The following KANK1 variants were observed in gnomAD, a reference collection of about 807,000 sequenced individuals.
KANK1 encodes KN motif and ankyrin repeat domain-containing protein 1.
Under a neutral mutation model 106.2 loss-of-function variants are expected in KANK1, and 109 were observed. The ratio of observed to expected loss-of-function variants is 1.03; its 90% CI spans 0.88 to 1.20. KANK1 has a LOEUF of 1.20. Ranked by LOEUF, KANK1 falls within the 50% of genes most tolerant of loss-of-function variation. KANK1 has a pLI of 0.00. For missense variants in KANK1, 2,399 were observed against 1,710.7 expected (o/e 1.40, Z -7.10); for synonymous variants, 873 against 652.2 (o/e 1.34, Z -5.16).
At chr9:735,669 C>G (rs1433783069) in intron 7 of KANK1, 1 of 349,996 alleles carries the variant, frequency 2.9e-6, no homozygotes, top group Admixed American at 2.8e-5. Context: ...TTAAATTCTG[C>G]CATATATTTT....
At chr9:530,142 G>A (rs1366946459) in intron 1 of KANK1, among the ~76,000 whole-genome samples, 1 of 152,192 alleles carries the variant, frequency 6.6e-6, no homozygotes, top group Non-Finnish European at 1.5e-5. Context: ...ATACCTAAGG[G>A]AAATAAGCCC....
chr9:731,105 T>C (rs1832119631), intron 4 of KANK1, 53 bp from the exon 5 acceptor site: 3 of 954,572 alleles, frequency 3.1e-6, no homozygotes, highest in African/African-American at 1.7e-5. Flanking sequence ...AAAAAGATCA[T>C]TTAACATGTA....
intron 1 of KANK1, among the ~76,000 whole-genome samples, chr9:515,387 T>C (rs1008566668): frequency 1.3e-5 from 2 of 151,500 alleles, no homozygotes; most frequent in Non-Finnish European, 2.9e-5. Context: ...AGAATTCATC[T>C]AGAGACATTG....
At chr9:606,035 C>G (rs1017854485) in intron 1 of KANK1, among the ~76,000 whole-genome samples, 23 of 151,296 alleles carry the variant, frequency 1.5e-4, no homozygotes, top group African/African-American at 4.4e-4. Context: ...ACTATTCAGT[C>G]AGTTTTATCA....
intron 1 of KANK1, among the ~76,000 whole-genome samples, chr9:535,746 C>T (rs1378309049): frequency 6.6e-6 from 1 of 152,186 alleles, no homozygotes; most frequent in African/African-American, 2.4e-5. Flanking sequence ...TTCCTGTGTC[C>T]TTGACAGTTG....
chr9:557,691 A>G (rs1815189572), intron 1 of KANK1, among the ~76,000 whole-genome samples: 1 of 152,240 alleles, frequency 6.6e-6, no homozygotes, highest in Non-Finnish European at 1.5e-5. Flanking sequence ...AGGCAGCCCA[A>G]GAACTTAACT....
intron 1 of KANK1, among the ~76,000 whole-genome samples, chr9:651,926 A>G (rs1471381775): frequency 6.6e-6 from 1 of 152,250 alleles, no homozygotes; most frequent in East Asian, 1.9e-4. Flanking sequence ...TAAAATTAAT[A>G]GTATACTGGG....
rs752882731 is a variant in KANK1, at chr9:742,340, G to A, written c.3832G>A (p.Gly1278Arg). 1.1e-5 allele frequency: 17 copies of A among 1,613,976 alleles called. No homozygotes were observed. Among genetic ancestry groups the A allele is most frequent in the Middle Eastern group, 1.6e-4 (1 of 6,084 alleles). The part of the protein sequence containing the change: ...STALMCASEH[G>R]HVEIVKLLLA... The stretch of plus-strand genomic sequence containing the variant: ...GGCCCTCATGTGTGCCAGCGAGCAC[G>A]GACACGTGGAGATTGTCAAGCTGCT... Residue 1278 changes from glycine (G) to arginine (R), a missense_variant, in exon 10 of 12, where the codon GGA (glycine) becomes AGA (arginine). Physicochemically the swap from Gly to Arg is moderately radical, Grantham distance 125. Coordinates refer to ENST00000382297, the MANE Select transcript of KANK1 (RefSeq NM_015158.5).
At chr9:499,445 C>T (rs1311447678) in intron 3 of KANK1, among the ~76,000 whole-genome samples, 10 of 152,182 alleles carry the variant, frequency 6.6e-5, no homozygotes, top group Non-Finnish European at 1.5e-5. Flanking sequence ...GCCACAGCCC[C>T]AGATGAAGCT....
chr9:548,220 A>T (rs1310854131), intron 1 of KANK1, among the ~76,000 whole-genome samples: 1 of 152,242 alleles, frequency 6.6e-6, no homozygotes, highest in East Asian at 1.9e-4. Context: ...ATCAGCAGTC[A>T]TTCTAAACCA....
intron 1 of KANK1, among the ~76,000 whole-genome samples, chr9:506,270 T>C (rs982902101): frequency 2.0e-5 from 3 of 152,170 alleles, no homozygotes; most frequent in African/African-American, 7.2e-5. Flanking sequence ...TTGATCCTTT[T>C]TCTGTTACTA....
intron 3 of KANK1, among the ~76,000 whole-genome samples, chr9:719,331 G>A (rs1828681367): frequency 6.6e-6 from 1 of 152,042 alleles, no homozygotes; most frequent in African/African-American, 2.4e-5. Context: ...TCATACTTTG[G>A]GAAAGTAACC....
At chr9:662,558 G>A (rs558688568) in intron 1 of KANK1, among the ~76,000 whole-genome samples, 241 of 68,178 alleles carry the variant, frequency 3.5e-3, no homozygotes, top group Non-Finnish European at 5.9e-3. Context: ...ACAAACACAA[G>A]AAATGAAGAA....
At position 712,407 on chromosome 9, in the gene KANK1, A is replaced by G. The variant is rs1489055039; in HGVS notation, c.1641A>G (p.Val547=). Residue 547 remains valine (V), a synonymous_variant, in exon 3 of 12, where the codon GTA becomes GTG. Transcript: ENST00000382297. ...CVGTSVETNS[V]GISCQPECKN... The stretch of plus-strand genomic sequence containing the variant: ...GGACCTCCGTGGAAACAAACAGTGT[A>G]GGCATCTCCTGCCAGCCTGAATGTA... The G allele has an allele frequency of 1.9e-6, 3 of 1,614,194 alleles. No individual in the cohort carries two copies. Among genetic ancestry groups the G allele is most frequent in the Middle Eastern group, 1.6e-4 (1 of 6,062 alleles).
chr9:605,300 C>CA (rs34315668), intron 1 of KANK1, among the ~76,000 whole-genome samples: 27,379 of 106,712 alleles, frequency 0.26, 3,365 homozygotes, highest in East Asian at 0.4. Context: ...GACTCCGTCT[C>CA]AAAAAAAAAA....
intron 1 of KANK1, among the ~76,000 whole-genome samples, chr9:532,330 C>T: frequency 7.7e-6 from 1 of 130,640 alleles, no homozygotes; most frequent in African/African-American, 2.9e-5. Flanking sequence ...CAACCTCTGT[C>T]TCACTGGTTC....
At chr9:663,743 C>G (rs535304648) in intron 1 of KANK1, among the ~76,000 whole-genome samples, 1 of 152,130 alleles carries the variant, frequency 6.6e-6, no homozygotes, top group Non-Finnish European at 1.5e-5. Flanking sequence ...TGGAGCAGAG[C>G]CAGCACGGGA....
intron 1 of KANK1, among the ~76,000 whole-genome samples, chr9:520,013 C>A (rs1020341910): frequency 4.0e-5 from 6 of 151,736 alleles, no homozygotes; most frequent in Non-Finnish European, 5.9e-5. Context: ...CCACTCCACT[C>A]TGGGACATAC....
At chr9:627,202 A>G (rs1834556031) in intron 1 of KANK1, among the ~76,000 whole-genome samples, 1 of 152,154 alleles carries the variant, frequency 6.6e-6, no homozygotes, top group African/African-American at 2.4e-5. Flanking sequence ...TTTTATGGAC[A>G]AGTCCATCCA....
Sources: allele counts gnomAD v4.1 joint callset (sites outside exome capture counted in the v4.1 genomes callset), GRCh38; gene constraint gnomAD v4.1.1; transcripts MANE v1.5; gene names NCBI Gene and HGNC (gene_info 2026-07-23, HGNC 2026-07-21).